Variants in SHROOM3 observed in about 807,000 individuals in gnomAD.
SHROOM3 encodes the protein protein Shroom3.
A neutral mutation model predicts 138.6 loss-of-function variants in SHROOM3; 47 were observed. The observed-to-expected ratio is 0.34, with a 90% CI of 0.27 to 0.43. The LOEUF (loss-of-function observed/expected upper bound fraction) is 0.43, where lower values mean the gene tolerates loss of function less well. SHROOM3 is among the 20% of genes least tolerant of loss of function. The pLI is 1.00. For synonymous variants in SHROOM3, 1,062 were observed against 1,063.3 expected, an observed-to-expected ratio of 1.00 and a Z score of 0.02; for missense variants, 2,491 against 2,596.5, an observed-to-expected ratio of 0.96 and a Z score of 0.88.
At chr4:76,774,733 T>A (rs1339796726) in intron 10 of SHROOM3, among the ~76,000 whole-genome samples, 6 of 150,774 alleles carry the variant, frequency 4.0e-5, no homozygotes, top group Non-Finnish European at 8.9e-5. Flanking sequence ...TTTTTTTTTT[T>A]TAAGGTATGT....
chr4:76,601,423 G>C (rs761646237), intron 2 of SHROOM3, among the ~76,000 whole-genome samples: 1 of 152,154 alleles, frequency 6.6e-6, no homozygotes, highest in Non-Finnish European at 1.5e-5. Context: ...CAGCTGTTGG[G>C]AGCTTCTACC....
At position 76,774,487 on chromosome 4, in the gene SHROOM3, A is replaced by T. The variant is rs544340485; in HGVS notation, c.5622+3589A>T. On this transcript the variant is annotated intron_variant, in intron 10 of 10. Coordinates refer to ENST00000296043, the MANE Select transcript of SHROOM3 (RefSeq NM_020859.4). ...GGCTTTAACTGAATCTCTAAAAAAA[A>T]TTTTTTTAATCTGCAGCCAATATGA... Among the ~76,000 whole-genome samples the T allele has an allele frequency of 1.4e-4, 21 of 152,152 alleles. No individual in the cohort carries two copies. The East Asian group carries it at 3.3e-3, about 24-fold the overall frequency.
At chr4:76,770,183 C>T (rs1405183301) in intron 9 of SHROOM3, among the ~76,000 whole-genome samples, 3 of 151,620 alleles carry the variant, frequency 2.0e-5, no homozygotes, top group Non-Finnish European at 4.4e-5. Context: ...ATTAGCCAGG[C>T]GTGGTGGTGG....
At chr4:76,498,713 G>A (rs938853371) in intron 1 of SHROOM3, among the ~76,000 whole-genome samples, 1 of 151,998 alleles carries the variant, frequency 6.6e-6, no homozygotes, top group Non-Finnish European at 1.5e-5. Flanking sequence ...GCTGAATAAC[G>A]AGAGTAGCTA....
chr4:76,741,000 C>T lies in SHROOM3; in HGVS notation c.2827C>T (p.Arg943Cys), dbSNP rs1448081737. Residue 943 changes from arginine (R) to cysteine (C), a missense_variant, in exon 5 of 11, where the codon CGT (arginine) becomes TGT (cysteine). By Grantham distance (180) the Arg-to-Cys change is radical. Transcript: ENST00000296043. The surrounding 1 kb of genome is among the most constrained non-coding windows in gnomAD (Gnocchi z 4.0). Reference protein sequence around the residue: ...SRVLGATSFRRRDLELGAPVA... With the variant: ...SRVLGATSFRCRDLELGAPVA... ...TGTCTTGGGGGCCACCTCCTTTCGA[C>T]GTCGAGACCTGGAGCTGGGGGCGCC... 1 of 1,488,320 alleles carries T rather than the reference C, an allele frequency of 6.7e-7. No individual in the cohort carries two copies. The highest frequency in any genetic ancestry group is 2.4e-5 in the East Asian group (1 of 40,968). 92.2% of individuals were successfully genotyped at this position (1,488,320 alleles called of 1,614,324 possible).
intron 1 of SHROOM3, among the ~76,000 whole-genome samples, chr4:76,548,378 A>G (rs1317907224): frequency 6.6e-6 from 1 of 152,170 alleles, no homozygotes; most frequent in East Asian, 1.9e-4. Flanking sequence ...GAAGCACAAC[A>G]CAGGACCAAT....
intron 1 of SHROOM3, among the ~76,000 whole-genome samples, chr4:76,493,155 C>T (rs188259274): frequency 1.5e-5 from 2 of 133,892 alleles, no homozygotes; most frequent in East Asian, 2.4e-4. Context: ...CGAGAGGCGG[C>T]GGTTGCAGTG....
intron 1 of SHROOM3, among the ~76,000 whole-genome samples, chr4:76,488,480 T>A (rs1005885215): frequency 6.6e-6 from 1 of 152,206 alleles, no homozygotes; most frequent in Admixed American, 6.5e-5. Context: ...ATTGTTTCAT[T>A]GGAGAGGAAT....
intron 2 of SHROOM3, chr4:76,639,596 A>C (rs948451399): frequency 5.0e-6 from 2 of 398,400 alleles, no homozygotes; most frequent in Admixed American, 4.4e-5. Flanking sequence ...CCTGGCTCTG[A>C]TGCTTCCCAG....
intron 2 of SHROOM3, among the ~76,000 whole-genome samples, chr4:76,702,451 T>C (rs1214869454): frequency 6.6e-6 from 1 of 152,212 alleles, no homozygotes; most frequent in Non-Finnish European, 1.5e-5. Context: ...GCTTTATACA[T>C]ATTAATTCAT....
intron 2 of SHROOM3, among the ~76,000 whole-genome samples, chr4:76,667,279 A>G (rs1355912619): frequency 6.6e-6 from 1 of 152,100 alleles, no homozygotes; most frequent in Non-Finnish European, 1.5e-5. Flanking sequence ...ACATGTGGTT[A>G]AGATGGTTCA....
intron 2 of SHROOM3, among the ~76,000 whole-genome samples, chr4:76,699,118 C>T (rs1178344945): frequency 6.6e-6 from 1 of 152,128 alleles, no homozygotes; most frequent in Non-Finnish European, 1.5e-5. Context: ...ATACTTTGTC[C>T]CCTTTTTACA....
chr4:76,509,482 A>T (rs1346824571), intron 1 of SHROOM3: 2 of 152,208 alleles, frequency 1.3e-5, no homozygotes, highest in African/African-American at 4.8e-5. Flanking sequence ...TCCAATTATG[A>T]TCCCCACAAC....
intron 3 of SHROOM3, among the ~76,000 whole-genome samples, chr4:76,714,772 A>G (rs998113421): frequency 6.6e-6 from 1 of 152,202 alleles, no homozygotes; most frequent in African/African-American, 2.4e-5. Flanking sequence ...GAATTTTTAA[A>G]AAAGCCTATT....
At chr4:76,638,450 G>A (rs945357981) in intron 2 of SHROOM3, among the ~76,000 whole-genome samples, 2 of 152,134 alleles carry the variant, frequency 1.3e-5, no homozygotes, top group Non-Finnish European at 2.9e-5. Flanking sequence ...CTCAGGAGGC[G>A]AGGCAGGAGG....
At chr4:76,672,834 G>A (rs1718927622) in intron 2 of SHROOM3, among the ~76,000 whole-genome samples, 1 of 152,186 alleles carries the variant, frequency 6.6e-6, no homozygotes, top group Admixed American at 6.5e-5. Flanking sequence ...GCCTCCCAAA[G>A]TGCTGGGATT....
intron 2 of SHROOM3, among the ~76,000 whole-genome samples, chr4:76,567,863 G>GT (rs1215117778): frequency 6.7e-6 from 1 of 150,230 alleles, no homozygotes; most frequent in Non-Finnish European, 1.5e-5. Flanking sequence ...GAGACCCATT[G>GT]TTTTTTACTG....
At chr4:76,507,033 A>G (rs1732225823) in intron 1 of SHROOM3, among the ~76,000 whole-genome samples, 1 of 152,218 alleles carries the variant, frequency 6.6e-6, no homozygotes, top group African/African-American at 2.4e-5. Flanking sequence ...CACATTATTA[A>G]TGTCAAATAA....
chr4:76,448,630 T>C (rs1260634084), intron 1 of SHROOM3, among the ~76,000 whole-genome samples: 1 of 152,180 alleles, frequency 6.6e-6, no homozygotes, highest in Admixed American at 6.5e-5. Context: ...GCTGGCTTGA[T>C]CAAACATCTA....
Sources: allele counts gnomAD v4.1 joint callset (sites outside exome capture counted in the v4.1 genomes callset), GRCh38; gene constraint gnomAD v4.1.1; non-coding constraint Gnocchi (gnomAD v3.1); transcripts MANE v1.5; gene names NCBI Gene and HGNC (gene_info 2026-07-23, HGNC 2026-07-21).